The following CCDC88B variants were observed in gnomAD, a reference collection of about 807,000 sequenced individuals.
CCDC88B encodes coiled-coil domain-containing protein 88B.
CCDC88B carries 138 observed loss-of-function variants against 183.7 expected under a neutral mutation model. That is an observed-to-expected ratio of 0.75 (90% CI 0.65 to 0.87). The LOEUF (loss-of-function observed/expected upper bound fraction) is 0.87, where lower values mean the gene tolerates loss of function less well. CCDC88B is among the 40% of genes least tolerant of loss of function. CCDC88B has a pLI of 0.00. For synonymous variants in CCDC88B, 835 were observed against 867.5 expected (o/e 0.96, Z 0.66); for missense variants, 1,822 against 1,965.6 (o/e 0.93, Z 1.38).
At position 64,342,604 on chromosome 11, in the gene CCDC88B, T is replaced by C. The variant is rs2035922229; in HGVS notation, c.986T>C (p.Leu329Pro). 6.5e-7 allele frequency: 1 copy of C among 1,530,216 alleles called. No individual in the cohort carries two copies. The highest frequency in any genetic ancestry group is 2.0e-5 in the Admixed American group (1 of 50,750). The allele number at this position is 1,530,216 out of a possible 1,614,324, so 94.8% of individuals were successfully genotyped here. Reference protein sequence around the residue: ...AEALRERAGRLPRLQEELRRC... With the variant: ...AEALRERAGRPPRLQEELRRC... Reference sequence around the variant, plus strand: ...GCGCTGCGGGAGCGGGCCGGCCGCCTGCCCCGCCTGCAGGAGGAGCTGAGG... The same window carrying C: ...GCGCTGCGGGAGCGGGCCGGCCGCCCGCCCCGCCTGCAGGAGGAGCTGAGG... The change falls in exon 10 of 27, where the codon CTG (leucine) becomes CCG (proline). Residue 329 changes from leucine to proline, a missense_variant. Physicochemically the swap from Leu to Pro is moderately conservative, Grantham distance 98. Coordinates refer to ENST00000356786, the MANE Select transcript of CCDC88B (RefSeq NM_032251.6).
In CCDC88B at chr11:64,344,972, C is replaced by T. The variant is rs541488916; in HGVS notation, c.2431C>T (p.Arg811Trp). 2.8e-5 allele frequency: 44 copies of T among 1,549,028 alleles called. No individual in the cohort carries two copies. Among genetic ancestry groups the T allele is most frequent in the Middle Eastern group, 2.1e-4 (1 of 4,798 alleles). ...GGAGCTGGAGTCTGCGTCCCAGGAACGGGAGGCGCTGGTGGAGGCGCTGGC... is the reference window on the plus strand; with the variant it reads ...GGAGCTGGAGTCTGCGTCCCAGGAATGGGAGGCGCTGGTGGAGGCGCTGGC... ...GQELESASQE[R>W]EALVEALAAA... Residue 811 changes from arginine (R) to tryptophan (W), a missense_variant, in exon 14 of 27, where the codon CGG becomes TGG. Physicochemically the swap from Arg to Trp is moderately radical, Grantham distance 101 (BLOSUM62 -3). Coordinates refer to ENST00000356786, the MANE Select transcript of CCDC88B (RefSeq NM_032251.6). This position sits in a 1 kb window ranked among gnomAD's most constrained non-coding sequence, Gnocchi z 4.5.
chr11:64,342,289 T>C lies in CCDC88B; in HGVS notation c.822-5T>C. 1 of 1,583,350 alleles carries C rather than the reference T, an allele frequency of 6.3e-7. No homozygotes were observed. The highest frequency in any genetic ancestry group is 8.6e-7 in the Non-Finnish European group (1 of 1,165,412). On this transcript the variant is annotated splice_polypyrimidine_tract_variant and splice_region_variant and intron_variant, in intron 8 of 26. Transcript: ENST00000356786. Reference sequence around the variant, plus strand: ...AGACCCTCCCTAGACTCCCCTTCCCTCCAGGGAGGAGAAGGCCGAGCTGCT... The same window carrying C: ...AGACCCTCCCTAGACTCCCCTTCCCCCCAGGGAGGAGAAGGCCGAGCTGCT...
chr11:64,340,761 C>T lies in CCDC88B; in HGVS notation c.206+9C>T, dbSNP rs778465444. On this transcript the variant is annotated intron_variant, in intron 2 of 26. Coordinates refer to ENST00000356786, the MANE Select transcript of CCDC88B (RefSeq NM_032251.6). ...CGGGTGCTGGGCATCATGTAAGGGG[C>T]ATCGGGCCGGGGCGGTGGCGGGGAA... 3.7e-6 allele frequency: 6 copies of T among 1,602,432 alleles called. No homozygotes were observed. Among genetic ancestry groups the T allele is most frequent in the East Asian group, 2.2e-5 (1 of 44,798 alleles).
chr11:64,346,443 A>G (rs1213306144), intron 14 of CCDC88B, among the ~76,000 whole-genome samples: 1 of 140,164 alleles, frequency 7.1e-6, no homozygotes, highest in African/African-American at 2.6e-5. Flanking sequence ...TACTTTTTGT[A>G]TTTTTTTTTT....
At chr11:64,341,216 G>T in intron 4 of CCDC88B, 38 bp downstream of exon 4, 2 of 1,613,564 alleles carry the variant, frequency 1.2e-6, no homozygotes, top group East Asian at 2.2e-5. Context: ...CTCTGCCCCC[G>T]CACTACTCTA....
At chr11:64,354,250 T>G in intron 24 of CCDC88B, 80 bp downstream of exon 24, 1 of 1,206,510 alleles carries the variant, frequency 8.3e-7, no homozygotes, top group Non-Finnish European at 1.1e-6. Context: ...CCTCACTGCC[T>G]GGCCTGCATG....
In CCDC88B at chr11:64,349,665, C is replaced by T; in HGVS notation, c.2859C>T (p.Phe953=). 1 of 1,588,546 alleles carries T rather than the reference C, an allele frequency of 6.3e-7. No homozygotes were observed. Among genetic ancestry groups the T allele is most frequent in the Non-Finnish European group, 8.6e-7 (1 of 1,167,856 alleles). The part of the protein sequence containing the change: ...TRALQLEEEL[F]QLRQGPAGLG... ...CCCTGCAGCTGGAAGAGGAGCTGTTCCAGGTGATGCCTGCCCGCCTGGGAG... is the reference window on the plus strand; with the variant it reads ...CCCTGCAGCTGGAAGAGGAGCTGTTTCAGGTGATGCCTGCCCGCCTGGGAG... Residue 953 remains phenylalanine (F), a synonymous_variant, in exon 16 of 27, where the codon TTC becomes TTT. Coordinates refer to ENST00000356786, the MANE Select transcript of CCDC88B (RefSeq NM_032251.6).
chr11:64,344,246 C>T lies in CCDC88B; in HGVS notation c.1705C>T (p.Pro569Ser), dbSNP rs1469812352. 7 of 1,613,598 alleles carry T rather than the reference C, an allele frequency of 4.3e-6. No individual in the cohort carries two copies. Among genetic ancestry groups the T allele is most frequent in the Non-Finnish European group, 5.9e-6 (7 of 1,179,938 alleles). ...TCCCCTTCAGGCAGCTGCCATGGAC[C>T]CCCAGGCCTCAGACTGGTCCCCGCA... The part of the protein sequence containing the change: ...ESPLQAAAMD[P>S]QASDWSPQES... The change falls in exon 14 of 27, where the codon CCC (proline) becomes TCC (serine). Residue 569 changes from proline to serine, a missense_variant. Physicochemically the swap from Pro to Ser is moderately conservative, Grantham distance 74. Coordinates refer to ENST00000356786, the MANE Select transcript of CCDC88B (RefSeq NM_032251.6). The surrounding 1 kb of genome is among the most constrained non-coding windows in gnomAD (Gnocchi z 4.5).
Position 64,344,353 on chromosome 11 carries a change from G to A in CCDC88B, c.1812G>A (p.Val604=), listed in dbSNP as rs779344588. Residue 604 remains valine, a synonymous_variant, in exon 14 of 27, where the codon GTG becomes GTA. Coordinates refer to ENST00000356786, the MANE Select transcript of CCDC88B (RefSeq NM_032251.6). The surrounding 1 kb of genome is among the most constrained non-coding windows in gnomAD (Gnocchi z 4.5). ...CCTCTCTCCAGAGCCCTGCCTCTGT[G>A]GCCCCACCTCAGGGTCCAGGGACCA... ...RRSSLQSPAS[V]APPQGPGTKI... 6.3e-7 allele frequency: 1 copy of A among 1,595,864 alleles called. No homozygotes were observed. The highest frequency in any genetic ancestry group is 2.2e-5 in the East Asian group (1 of 44,740).
Position 64,357,456 on chromosome 11 carries a change from G to C in CCDC88B, c.*362G>C, listed in dbSNP as rs1209846187. On this transcript the variant is annotated 3_prime_UTR_variant, in exon 27 of 27. Transcript: ENST00000356786. Reference sequence around the variant, plus strand: ...GTGGGAAGCTGAGTCCCAGTGCTGGGGGACTGTGGCCTGGGCTGATCTTGA... The same window carrying C: ...GTGGGAAGCTGAGTCCCAGTGCTGGCGGACTGTGGCCTGGGCTGATCTTGA... 2.8e-6 allele frequency: 2 copies of C among 716,914 alleles called. No homozygotes were observed. The highest frequency in any genetic ancestry group is 5.2e-6 in the Non-Finnish European group (2 of 384,894). 44.4% of individuals were successfully genotyped at this position (716,914 alleles called of 1,614,324 possible).
In CCDC88B at chr11:64,349,608, G is replaced by A. The variant is rs2036252116; in HGVS notation, c.2802G>A (p.Lys934=). ...EAELQAAATS[K]EEALMELKTR... The stretch of plus-strand genomic sequence containing the variant: ...AGCTGCAGGCGGCGGCGACCAGCAA[G>A]GAGGAGGCGCTGATGGAGCTCAAGA... Residue 934 remains lysine, a synonymous_variant, in exon 16 of 27, where the codon AAG becomes AAA. Coordinates refer to ENST00000356786, the MANE Select transcript of CCDC88B (RefSeq NM_032251.6). 6.2e-7 allele frequency: 1 copy of A among 1,601,724 alleles called. No homozygotes were observed. The highest frequency in any genetic ancestry group is 8.5e-7 in the Non-Finnish European group (1 of 1,175,570).
rs1386821523 is a variant in CCDC88B, at chr11:64,349,616, C to A, written c.2810C>A (p.Ala937Glu). 2 of 1,600,900 alleles carry A rather than the reference C, an allele frequency of 1.2e-6. No homozygotes were observed. Among genetic ancestry groups the A allele is most frequent in the South Asian group, 2.3e-5 (2 of 88,486 alleles). Reference protein sequence around the residue: ...LQAAATSKEEALMELKTRALQ... With the variant: ...LQAAATSKEEELMELKTRALQ... ...GCGGCGGCGACCAGCAAGGAGGAGGCGCTGATGGAGCTCAAGACCAGGGCC... is the reference window on the plus strand; with the variant it reads ...GCGGCGGCGACCAGCAAGGAGGAGGAGCTGATGGAGCTCAAGACCAGGGCC... The change falls in exon 16 of 27, where the codon GCG becomes GAG. Residue 937 changes from alanine (A) to glutamate (E), a missense_variant. Transcript: ENST00000356786.
chr11:64,349,673 T>C lies in CCDC88B; in HGVS notation c.2862+5T>C, dbSNP rs2036255290. The C allele has an allele frequency of 6.3e-7, 1 of 1,583,656 alleles. No homozygotes were observed. The highest frequency in any genetic ancestry group is 8.6e-7 in the Non-Finnish European group (1 of 1,164,690). On this transcript the variant is annotated splice_donor_5th_base_variant and intron_variant, in intron 16 of 26. Coordinates refer to ENST00000356786, the MANE Select transcript of CCDC88B (RefSeq NM_032251.6). ...CTGGAAGAGGAGCTGTTCCAGGTGA[T>C]GCCTGCCCGCCTGGGAGCTGGGGGC...
intron 16 of CCDC88B, chr11:64,349,970 G>C (rs2036265828): frequency 4.6e-6 from 2 of 432,656 alleles, no homozygotes; most frequent in Admixed American, 7.1e-5. Flanking sequence ...TTGGCATCAA[G>C]GAAGCCAGCG....
At chr11:64,348,919 T>C in intron 14 of CCDC88B, 1 of 676,088 alleles carries the variant, frequency 1.5e-6, no homozygotes, top group South Asian at 1.5e-5. Flanking sequence ...GCCTTTTCCC[T>C]GTAGCCAAGG....
intron 26 of CCDC88B, chr11:64,356,660 G>A (rs2036555927): frequency 3.3e-6 from 1 of 305,176 alleles, no homozygotes; most frequent in Admixed American, 4.5e-5. Flanking sequence ...CTCCGCCCTG[G>A]GCAGCTCAGC....
chr11:64,343,368 C>T (rs1245120859), intron 11 of CCDC88B, 43 bp downstream of exon 11: 1 of 1,544,490 alleles, frequency 6.5e-7, no homozygotes, highest in Non-Finnish European at 8.8e-7. Context: ...CCCCGTCACC[C>T]CATGACCCCA....
chr11:64,343,119 C>A, intron 10 of CCDC88B, 60 bp from the exon 11 acceptor site: 1 of 1,464,748 alleles, frequency 6.8e-7, no homozygotes, highest in Non-Finnish European at 9.0e-7. Context: ...GTTTGGGACC[C>A]TCAGGCGCTG....
chr11:64,352,445 T>C (rs1398964729), intron 19 of CCDC88B, 59 bp downstream of exon 19: 4 of 1,477,212 alleles, frequency 2.7e-6, no homozygotes, highest in Middle Eastern at 2.4e-4. Context: ...CAGAGAAGAC[T>C]CCCCTCAGCA....
Sources: allele counts gnomAD v4.1 joint callset (sites outside exome capture counted in the v4.1 genomes callset), GRCh38; gene constraint gnomAD v4.1.1; non-coding constraint Gnocchi (gnomAD v3.1); transcripts MANE v1.5; gene names NCBI Gene and HGNC (gene_info 2026-07-23, HGNC 2026-07-21).